Variants in CDH11 observed in about 807,000 individuals in gnomAD.
CDH11 encodes the protein cadherin-11.
A neutral mutation model predicts 67.8 loss-of-function variants in CDH11; 11 were observed. The observed-to-expected ratio is 0.16, with a 90% CI of 0.10 to 0.27. CDH11 has a LOEUF of 0.27. Ranked by LOEUF, CDH11 falls within the 10% of genes least tolerant of loss-of-function variation. The probability of loss-of-function intolerance (pLI) is 1.00; values close to 1 mark genes in which losing one functional copy is unlikely to be tolerated. For missense variants in CDH11, 847 were observed against 1,031.2 expected (o/e 0.82, Z 2.45); for synonymous variants, 419 against 400.0 (o/e 1.05, Z -0.57).
intron 2 of CDH11, among the ~76,000 whole-genome samples, chr16:65,035,146 G>T (rs1425319733): frequency 6.6e-6 from 1 of 152,210 alleles, no homozygotes; most frequent in Non-Finnish European, 1.5e-5. Flanking sequence ...TCAGTGAGAG[G>T]CTCAAGGCAA....
At chr16:65,057,902 T>C (rs2074172656) in intron 1 of CDH11, among the ~76,000 whole-genome samples, 1 of 152,138 alleles carries the variant, frequency 6.6e-6, no homozygotes, top group Non-Finnish European at 1.5e-5. Flanking sequence ...CCTATTCCCA[T>C]GGTGTGTGAC....
intron 2 of CDH11, chr16:65,007,139 A>G (rs1188632482): frequency 6.6e-6 from 1 of 152,224 alleles, no homozygotes; most frequent in Non-Finnish European, 1.5e-5. Context: ...TGGTGAAATT[A>G]TAATTTGTAG....
Position 64,982,101 on chromosome 16 carries a change from G to C in CDH11, c.1200C>G (p.Thr400=). 6.2e-7 allele frequency: 1 copy of C among 1,614,010 alleles called. No homozygotes were observed. The highest frequency in any genetic ancestry group is 8.5e-7 in the Non-Finnish European group (1 of 1,179,926). Residue 400 remains threonine, a synonymous_variant, in exon 8 of 13, where the codon ACC becomes ACG. Coordinates refer to ENST00000268603, the MANE Select transcript of CDH11 (RefSeq NM_001797.4). ...HEVQENAAAG[T]VVGRVHAKDP... is the part of the protein sequence containing the mutation. Reference sequence around the variant, plus strand: ...CTTTGGCATGCACTCTCCCAACCACGGTGCCAGCAGCTGCATTTTCTTGGA... The same window carrying C: ...CTTTGGCATGCACTCTCCCAACCACCGTGCCAGCAGCTGCATTTTCTTGGA...
intron 2 of CDH11, among the ~76,000 whole-genome samples, chr16:65,036,161 C>T (rs987480317): frequency 6.6e-6 from 1 of 152,172 alleles, no homozygotes; most frequent in Non-Finnish European, 1.5e-5. Context: ...GAAATTGAAG[C>T]TCTAAGAGGC....
intron 4 of CDH11, among the ~76,000 whole-genome samples, chr16:64,994,401 T>C (rs2072714091): frequency 6.6e-6 from 1 of 152,244 alleles, no homozygotes; most frequent in Non-Finnish European, 1.5e-5. Flanking sequence ...CAACATAGTT[T>C]ATATTATCCT....
intron 2 of CDH11, among the ~76,000 whole-genome samples, chr16:65,010,083 C>T (rs1321388897): frequency 3.3e-5 from 5 of 152,106 alleles, no homozygotes; most frequent in Non-Finnish European, 7.3e-5. Context: ...TTCAGCTGTC[C>T]CCTCCCCACA....
At chr16:65,026,424 T>C (rs1174322686) in intron 2 of CDH11, among the ~76,000 whole-genome samples, 2 of 152,194 alleles carry the variant, frequency 1.3e-5, no homozygotes, top group Non-Finnish European at 2.9e-5. Context: ...CTTCTACCAT[T>C]TGACATTGAA....
intron 1 of CDH11, among the ~76,000 whole-genome samples, chr16:65,117,570 T>C (rs1428103355): frequency 6.6e-6 from 1 of 152,210 alleles, no homozygotes; most frequent in Non-Finnish European, 1.5e-5. Flanking sequence ...AAGTTAGGTT[T>C]TTCACAACAA....
intron 2 of CDH11, among the ~76,000 whole-genome samples, chr16:65,047,632 G>A (rs1468082573): frequency 6.6e-6 from 1 of 152,118 alleles, no homozygotes; most frequent in South Asian, 2.1e-4. Flanking sequence ...TTACAGGCAT[G>A]AGCCACCATG....
At chr16:64,955,549 G>A (rs1427117308) in intron 11 of CDH11, among the ~76,000 whole-genome samples, 1 of 152,070 alleles carries the variant, frequency 6.6e-6, no homozygotes, top group East Asian at 1.9e-4. Flanking sequence ...GACCAGCCTG[G>A]GCAACATAGC....
intron 2 of CDH11, among the ~76,000 whole-genome samples, chr16:65,036,737 G>T (rs1198378771): frequency 6.6e-6 from 1 of 152,124 alleles, no homozygotes; most frequent in African/African-American, 2.4e-5. Flanking sequence ...GAGTTCCAGA[G>T]ATATTATTAG....
In CDH11 at chr16:64,950,939, G is replaced by T. The variant is rs749905567; in HGVS notation, c.1722C>A (p.Ile574=). The change falls in exon 12 of 13, where the codon ATC becomes ATA. Residue 574 remains isoleucine, a synonymous_variant. Transcript: ENST00000268603. ...KQDLYLLPIV[I]SDGGIPPMSS... ...TCATGGGCGGGATGCCGCCATCGCT[G>T]ATCACTATGGGCAGAAGGTACAAGT... is the stretch of plus-strand genomic sequence containing the variant. 1.2e-6 allele frequency: 2 copies of T among 1,614,178 alleles called. No homozygotes were observed. Among genetic ancestry groups the T allele is most frequent in the Non-Finnish European group, 1.7e-6 (2 of 1,180,030 alleles).
At chr16:64,991,668 A>G in intron 6 of CDH11, 100 bp downstream of exon 6, 1 of 765,494 alleles carries the variant, frequency 1.3e-6, no homozygotes, top group Non-Finnish European at 2.1e-6. Context: ...AGTTTTCTAG[A>G]TTTTCTTTTT....
intron 11 of CDH11, among the ~76,000 whole-genome samples, chr16:64,959,825 G>A (rs974711806): frequency 6.6e-6 from 1 of 152,142 alleles, no homozygotes; most frequent in African/African-American, 2.4e-5. Flanking sequence ...AGTTTGTGCT[G>A]CTCATAAAAA....
intron 1 of CDH11, among the ~76,000 whole-genome samples, chr16:65,085,382 G>T (rs1264579566): frequency 2.0e-5 from 3 of 152,168 alleles, no homozygotes; most frequent in Non-Finnish European, 4.4e-5. Context: ...CAAGCTTGAG[G>T]TTCCTCCTCT....
At position 64,947,702 on chromosome 16, in the gene CDH11, A is replaced by G. The variant is rs1369845363; in HGVS notation, c.2292T>C (p.Asp764=). 1.9e-6 allele frequency: 3 copies of G among 1,613,994 alleles called. No individual in the cohort carries two copies. Among genetic ancestry groups the G allele is most frequent in the Non-Finnish European group, 2.5e-6 (3 of 1,179,988 alleles). ...GTAGATAATCATAGTCCAAGTCTGAATCTGTGGTGGCCGACTCTAGGGAGC... is the reference window on the plus strand; with the variant it reads ...GTAGATAATCATAGTCCAAGTCTGAGTCTGTGGTGGCCGACTCTAGGGAGC... ...SLSSLESATT[D]SDLDYDYLQN... The change falls in exon 13 of 13, where the codon GAT becomes GAC. Residue 764 remains aspartate, a synonymous_variant. Coordinates refer to ENST00000268603, the MANE Select transcript of CDH11 (RefSeq NM_001797.4).
intron 2 of CDH11, among the ~76,000 whole-genome samples, chr16:65,046,612 G>T (rs907204492): frequency 4.6e-5 from 7 of 152,174 alleles, no homozygotes; most frequent in African/African-American, 1.7e-4. Flanking sequence ...CTTGATTAGG[G>T]ATTAAATTCA....
At chr16:65,042,238 C>T (rs1023065367) in intron 2 of CDH11, among the ~76,000 whole-genome samples, 1 of 152,142 alleles carries the variant, frequency 6.6e-6, no homozygotes, top group African/African-American at 2.4e-5. Flanking sequence ...ATGGGGAAAA[C>T]AGACAATATA....
At chr16:64,964,245 A>G (rs1182877908) in intron 11 of CDH11, among the ~76,000 whole-genome samples, 2 of 152,124 alleles carry the variant, frequency 1.3e-5, no homozygotes, top group African/African-American at 4.8e-5. Context: ...ACAAACACAG[A>G]TGGTTTAGCT....
Sources: gnomAD v4.1 joint callset for allele counts (sites outside exome capture counted in the v4.1 genomes callset) on GRCh38, gnomAD v4.1.1 for gene constraint, MANE v1.5 for transcripts, NCBI Gene and HGNC (gene_info 2026-07-23, HGNC 2026-07-21) for gene names.